GFRA2: variants seen among roughly 807,000 people sequenced by gnomAD.
GFRA2 encodes GDNF family receptor alpha 2, also known as GDNF family receptor alpha-2.
In GFRA2, 17 loss-of-function variants were observed where a neutral mutation model predicts 48.3. That is an observed-to-expected ratio of 0.35 (90% CI 0.24 to 0.53). The LOEUF is 0.53. Among genes scored for constraint, GFRA2 ranks in the 20% least tolerant of loss-of-function variants. The pLI is 0.93. For missense variants in GFRA2, 660 were observed against 637.3 expected (o/e 1.04, Z -0.38); for synonymous variants, 305 against 257.2 (o/e 1.19, Z -1.78).
At chr8:21,731,656 C>T (rs1563234106) in intron 4 of GFRA2, among the ~76,000 whole-genome samples, 1 of 152,094 alleles carries the variant, frequency 6.6e-6, no homozygotes, top group Non-Finnish European at 1.5e-5. Flanking sequence ...CTAACGGCTC[C>T]TCGTGCATAC....
chr8:21,736,608 A>G (rs113547143), intron 4 of GFRA2, among the ~76,000 whole-genome samples: 8,806 of 151,856 alleles, frequency 0.058, 768 homozygotes, highest in African/African-American at 0.19. Flanking sequence ...CGATCCTTCC[A>G]TCTCAGCCTC....
intron 3 of GFRA2, among the ~76,000 whole-genome samples, chr8:21,761,274 G>A (rs996340425): frequency 6.6e-6 from 1 of 152,226 alleles, no homozygotes; most frequent in African/African-American, 2.4e-5. Flanking sequence ...ACAACCCACT[G>A]TGTGTAAAGT....
chr8:21,751,278 A>C (rs1805281519), intron 3 of GFRA2, among the ~76,000 whole-genome samples: 1 of 152,182 alleles, frequency 6.6e-6, no homozygotes, highest in Non-Finnish European at 1.5e-5. Context: ...CTGTTTACAA[A>C]TATGGGAAAT....
intron 4 of GFRA2, among the ~76,000 whole-genome samples, chr8:21,724,124 A>C (rs1334392309): frequency 6.6e-6 from 1 of 152,102 alleles, no homozygotes; most frequent in Non-Finnish European, 1.5e-5. Context: ...CAGGATGACT[A>C]CCTCTGACCC....
intron 1 of GFRA2, among the ~76,000 whole-genome samples, chr8:21,808,628 A>G (rs1180179208): frequency 6.6e-6 from 1 of 152,188 alleles, no homozygotes; most frequent in Non-Finnish European, 1.5e-5. Flanking sequence ...GAGGTTTGGC[A>G]TTAATAATAA....
Position 21,691,183 on chromosome 8 carries a change from A to C in GFRA2, c.*2095T>G, listed in dbSNP as rs1801872190. On this transcript the variant is annotated 3_prime_UTR_variant, in exon 9 of 9. Transcript: ENST00000524240. ...ACATGCAGCCCTGAAGGCCAGGCTG[A>C]CAGTAGAAACATCTTCTCGCCTACC... 1.3e-5 allele frequency: 2 copies of C among 152,228 alleles called. No individual in the cohort carries two copies. The highest frequency in any genetic ancestry group is 2.9e-5 in the Non-Finnish European group (2 of 68,046). The allele number at this position is 152,228 out of a possible 1,614,324, so 9.4% of individuals were successfully genotyped here. A position where few individuals can be genotyped will look rare whatever the true frequency, so the allele number is the denominator to read the frequency against.
rs1801875498 is a variant in GFRA2, at chr8:21,691,269, A to C, written c.*2009T>G. 6.6e-6 allele frequency: 1 copy of C among 152,222 alleles called. No individual in the cohort carries two copies. The highest frequency in any genetic ancestry group is 2.4e-5 in the African/African-American group (1 of 41,446). 9.4% of individuals were successfully genotyped at this position (152,222 alleles called of 1,614,324 possible). ...TCACACGTGCACGTGAACATGTGCG[A>C]GCCTGCACACGACCGCACACACATG... On this transcript the variant is annotated 3_prime_UTR_variant, in exon 9 of 9. Transcript: ENST00000524240.
intron 1 of GFRA2, among the ~76,000 whole-genome samples, chr8:21,787,273 A>AGGGGGGGGGGGGGGGGGG (rs1585344097): frequency 1.9e-5 from 1 of 51,806 alleles, no homozygotes; most frequent in Non-Finnish European, 3.7e-5. Flanking sequence ...CGGGGGGGGC[A>AGGGGGGGGGGGGGGGGGG]GTGGGGGGGG....
chr8:21,716,941 G>A (rs1292386923), intron 4 of GFRA2, among the ~76,000 whole-genome samples: 1 of 152,200 alleles, frequency 6.6e-6, no homozygotes, highest in African/African-American at 2.4e-5. Flanking sequence ...AGCTGCTGCT[G>A]GCTCATTCTT....
intron 4 of GFRA2, among the ~76,000 whole-genome samples, chr8:21,721,362 C>T (rs991926388): frequency 2.6e-5 from 4 of 152,246 alleles, no homozygotes; most frequent in Admixed American, 6.5e-5. Context: ...CAGTGGCCTG[C>T]GAGAATTAAC....
chr8:21,788,821 C>T lies in GFRA2; in HGVS notation c.-662G>A. On this transcript the variant is annotated 5_prime_UTR_variant, in exon 1 of 9. Transcript: ENST00000524240. Reference sequence around the variant, plus strand: ...GCGTGCGTGTGTCTTTCTCTCTCCTCTCTCTCTCTCTCCTCTCCCTCGCTC... The same window carrying T: ...GCGTGCGTGTGTCTTTCTCTCTCCTTTCTCTCTCTCTCCTCTCCCTCGCTC... 1 of 977,692 alleles carries T rather than the reference C, an allele frequency of 1.0e-6. No homozygotes were observed. Among genetic ancestry groups the T allele is most frequent in the Non-Finnish European group, 1.2e-6 (1 of 823,196 alleles). 60.6% of individuals were successfully genotyped at this position (977,692 alleles called of 1,614,324 possible). A position where few individuals can be genotyped will look rare whatever the true frequency, so the allele number is the denominator to read the frequency against.
At chr8:21,811,403 G>A (rs996642422) in intron 1 of GFRA2, among the ~76,000 whole-genome samples, 1 of 152,140 alleles carries the variant, frequency 6.6e-6, no homozygotes, top group Non-Finnish European at 1.5e-5. Context: ...AACTCGGGAT[G>A]GGTTTTCCCA....
chr8:21,754,087 C>T (rs1474107692), intron 3 of GFRA2, among the ~76,000 whole-genome samples: 1 of 152,220 alleles, frequency 6.6e-6, no homozygotes, highest in Non-Finnish European at 1.5e-5. Flanking sequence ...AGTAACAACA[C>T]CCCATGCACA....
In GFRA2 at chr8:21,763,869, A is replaced by G. The variant is rs147747617; in HGVS notation, c.439+11103T>C. 5.8e-4 allele frequency among the ~76,000 whole-genome samples: 88 copies of G among 151,062 alleles called. 1 individual carries two copies. The highest frequency in any genetic ancestry group is 1.9e-3 in the African/African-American group (80 of 41,072). ...CCCTCTCCTCCTCTCTTCCTCCATC[A>G]TAGTCACAAACCAATAAACCCAGTG... is the stretch of plus-strand genomic sequence containing the variant. On this transcript the variant is annotated intron_variant, in intron 3 of 8. Transcript: ENST00000524240.
At chr8:21,734,044 G>T (rs550222432) in intron 4 of GFRA2, among the ~76,000 whole-genome samples, 43 of 152,332 alleles carry the variant, frequency 2.8e-4, no homozygotes, top group African/African-American at 9.6e-4. Context: ...AAAGGGGACC[G>T]TGCTTTCTGA....
intron 4 of GFRA2, among the ~76,000 whole-genome samples, chr8:21,733,602 G>T (rs1263549638): frequency 6.6e-6 from 1 of 152,186 alleles, no homozygotes; most frequent in African/African-American, 2.4e-5. Context: ...AATAGGACCC[G>T]TGGCTGAGCC....
At position 21,750,397 on chromosome 8, in the gene GFRA2, T is replaced by C. The variant is rs905301882; in HGVS notation, c.794+191A>G. On this transcript the variant is annotated intron_variant, in intron 4 of 8. Transcript: ENST00000524240. This position sits in a 1 kb window ranked among gnomAD's most constrained non-coding sequence, Gnocchi z 5.7. ...ATGAATGAATAAAGAAGTAGATGGA[T>C]GGATGAATGGATGAATGAAATGGAA... 1.3e-5 allele frequency among the ~76,000 whole-genome samples: 2 copies of C among 152,208 alleles called. No homozygotes were observed. The highest frequency in any genetic ancestry group is 2.4e-5 in the African/African-American group (1 of 41,452).
At chr8:21,731,918 C>T (rs1217262516) in intron 4 of GFRA2, among the ~76,000 whole-genome samples, 1 of 152,262 alleles carries the variant, frequency 6.6e-6, no homozygotes, top group East Asian at 1.9e-4. Flanking sequence ...CGTACACCAT[C>T]TGTGCAAGTT....
chr8:21,789,497 A>AG (rs1337099874), upstream of GFRA2, among the ~76,000 whole-genome samples: 4 of 151,796 alleles, frequency 2.6e-5, no homozygotes, highest in African/African-American at 7.3e-5. Flanking sequence ...CCCGGGTCTG[A>AG]GGGGGGCTCC....
Sources: allele counts gnomAD v4.1 joint callset (sites outside exome capture counted in the v4.1 genomes callset), GRCh38; gene constraint gnomAD v4.1.1; non-coding constraint Gnocchi (gnomAD v3.1); transcripts MANE v1.5; gene names NCBI Gene and HGNC (gene_info 2026-07-23, HGNC 2026-07-21).